LRP1B: variants seen among roughly 807,000 people sequenced by gnomAD.
LRP1B encodes LDL receptor related protein 1B.
In LRP1B, 217 loss-of-function variants were observed where a neutral mutation model predicts 556.6. The ratio of observed to expected loss-of-function variants is 0.39; its 90% CI spans 0.35 to 0.44. LRP1B has a LOEUF of 0.44. LRP1B is among the 20% of genes least tolerant of loss of function. The pLI is 1.00. For synonymous variants in LRP1B, 2,047 were observed against 1,865.8 expected (o/e 1.10, Z -2.50); for missense variants, 5,053 against 5,620.8 (o/e 0.90, Z 3.23).
intron 31 of LRP1B, among the ~76,000 whole-genome samples, chr2:140,826,942 T>C (rs1465587261): frequency 1.3e-5 from 2 of 152,136 alleles, no homozygotes; most frequent in East Asian, 1.9e-4. Flanking sequence ...TCAATGAGTA[T>C]TCTGAGCATG....
intron 43 of LRP1B, chr2:140,586,631 T>C (rs56148568): frequency 0.21 from 32,560 of 152,174 alleles, 3,690 homozygotes; most frequent in Admixed American, 0.29. Context: ...CTCCCACTCT[T>C]CATCCAGTAG....
At chr2:141,049,794 C>T (rs1010764158) in intron 10 of LRP1B, among the ~76,000 whole-genome samples, 2 of 152,006 alleles carry the variant, frequency 1.3e-5, no homozygotes, top group Admixed American at 6.6e-5. Context: ...TATAGCATCC[C>T]TTTATCTTCA....
intron 3 of LRP1B, among the ~76,000 whole-genome samples, chr2:141,299,564 A>G (rs1686310192): frequency 6.6e-6 from 1 of 152,180 alleles, no homozygotes; most frequent in Non-Finnish European, 1.5e-5. Flanking sequence ...GAATTTAGTC[A>G]ATTTAAATAT....
At chr2:141,323,900 A>ACG in intron 3 of LRP1B, among the ~76,000 whole-genome samples, 1 of 143,042 alleles carries the variant, frequency 7.0e-6, no homozygotes. Context: ...CCACACACAC[A>ACG]CACACACCTG....
chr2:140,297,207 T>C (rs1320849076), intron 84 of LRP1B, among the ~76,000 whole-genome samples: 3 of 152,080 alleles, frequency 2.0e-5, no homozygotes, highest in African/African-American at 7.2e-5. Context: ...TAGTGTGAGT[T>C]TGCGGCAGCT....
intron 7 of LRP1B, among the ~76,000 whole-genome samples, chr2:141,143,480 T>C (rs918925804): frequency 1.3e-5 from 2 of 152,184 alleles, no homozygotes; most frequent in Non-Finnish European, 2.9e-5. Flanking sequence ...TGGCTTTTTC[T>C]CTTAATACCC....
intron 1 of LRP1B, among the ~76,000 whole-genome samples, chr2:141,957,494 T>C (rs976319434): frequency 6.6e-6 from 1 of 151,668 alleles, no homozygotes; most frequent in African/African-American, 2.4e-5. Flanking sequence ...TCGGGAGAAC[T>C]CAGTCACAGC....
At chr2:140,751,139 C>T (rs1173764279) in intron 35 of LRP1B, among the ~76,000 whole-genome samples, 1 of 151,854 alleles carries the variant, frequency 6.6e-6, no homozygotes, top group African/African-American at 2.4e-5. Context: ...ATTACAGGCG[C>T]CTGCCATCAT....
chr2:142,089,671 G>A lies in LRP1B; in HGVS notation c.82+40977C>T, dbSNP rs531311599. Among the ~76,000 whole-genome samples, 4 of 152,322 alleles carry A rather than the reference G, an allele frequency of 2.6e-5. No individual in the cohort carries two copies. In the South Asian group the frequency reaches 6.2e-4, roughly 24 times the overall value. On this transcript the variant is annotated intron_variant, in intron 1 of 90. Transcript: ENST00000389484. ...GGGATAGTTATCATGCATCTTAAAT[G>A]CAATAGCAGGAGATTAGTTGTCACT...
At chr2:141,515,297 C>T (rs1387035046) in intron 2 of LRP1B, among the ~76,000 whole-genome samples, 5 of 145,588 alleles carry the variant, frequency 3.4e-5, no homozygotes, top group East Asian at 2.0e-4. Flanking sequence ...AGTGGAACTC[C>T]GTCAAAAGAA....
chr2:141,258,444 C>G (rs1684563807), intron 3 of LRP1B, among the ~76,000 whole-genome samples: 1 of 152,120 alleles, frequency 6.6e-6, no homozygotes, highest in South Asian at 2.1e-4. Flanking sequence ...GCACTCCAAC[C>G]TGGCAACAGT....
rs535626408 is a variant in LRP1B at position 141,206,425 on chromosome 2, C to CAA, written c.851-17844_851-17843dup. On this transcript the variant is annotated intron_variant, in intron 6 of 90. Coordinates refer to ENST00000389484, the MANE Select transcript of LRP1B (RefSeq NM_018557.3). ...TGAAACCCCGTCTCTACTAAAAATG[C>CAA]AAAAAAAAAATTAGCCAGGCGTGGT... Among the ~76,000 whole-genome samples the CAA allele has an allele frequency of 2.4e-4, 35 of 148,226 alleles. No individual in the cohort carries two copies. In the South Asian group the frequency reaches 2.6e-3, roughly 11 times the overall value.
chr2:140,725,681 T>A (rs1260187794), intron 35 of LRP1B, among the ~76,000 whole-genome samples: 1 of 151,408 alleles, frequency 6.6e-6, no homozygotes, highest in African/African-American at 2.4e-5. Context: ...ACTTAAAGTA[T>A]AATAAAAATA....
intron 2 of LRP1B, among the ~76,000 whole-genome samples, chr2:141,542,852 G>T (rs1438853338): frequency 6.6e-6 from 1 of 151,930 alleles, no homozygotes; most frequent in Non-Finnish European, 1.5e-5. Flanking sequence ...GTGCCTATTT[G>T]CAGTCCTATT....
At chr2:141,076,073 A>G (rs549349315) in intron 7 of LRP1B, among the ~76,000 whole-genome samples, 2 of 152,228 alleles carry the variant, frequency 1.3e-5, no homozygotes, top group Non-Finnish European at 2.9e-5. Flanking sequence ...CTTAGAAAAA[A>G]GTAAGGCAAA....
intron 67 of LRP1B, among the ~76,000 whole-genome samples, chr2:140,385,059 G>A (rs1324864808): frequency 4.6e-5 from 7 of 152,012 alleles, no homozygotes; most frequent in Admixed American, 1.3e-4. Flanking sequence ...ATCAGCCTGC[G>A]CAACATGGCA....
intron 32 of LRP1B, among the ~76,000 whole-genome samples, chr2:140,812,293 T>C (rs542175789): frequency 6.6e-6 from 1 of 152,208 alleles, no homozygotes; most frequent in East Asian, 1.9e-4. Flanking sequence ...CTTTGTGATA[T>C]AGGCAGATAT....
At chr2:140,864,191 G>A (rs1401085836) in intron 27 of LRP1B, among the ~76,000 whole-genome samples, 1 of 151,678 alleles carries the variant, frequency 6.6e-6, no homozygotes, top group African/African-American at 2.4e-5. Flanking sequence ...TATAATTATC[G>A]ATATTGTTAT....
chr2:141,463,342 T>G (rs903963268), intron 3 of LRP1B, among the ~76,000 whole-genome samples: 8 of 151,688 alleles, frequency 5.3e-5, no homozygotes, highest in Non-Finnish European at 2.9e-5. Flanking sequence ...TGGGAAGTAT[T>G]TCTCACTGAA....
Sources: gnomAD v4.1 joint callset for allele counts (sites outside exome capture counted in the v4.1 genomes callset) on GRCh38, gnomAD v4.1.1 for gene constraint, MANE v1.5 for transcripts, NCBI Gene and HGNC (gene_info 2026-07-23, HGNC 2026-07-21) for gene names.